Variants in PIGN observed in about 807,000 individuals in gnomAD.
PIGN encodes GPI ethanolamine phosphate transferase 1.
In PIGN, 117 loss-of-function variants were observed where a neutral mutation model predicts 125.4. That is an observed-to-expected ratio of 0.93 (90% confidence interval 0.80 to 1.09). The LOEUF is 1.09. PIGN is among the 50% of genes least tolerant of loss of function. The pLI, the probability that PIGN is intolerant of heterozygous loss-of-function variation, is 0.00. For synonymous variants in PIGN, 392 were observed against 377.8 expected, an observed-to-expected ratio of 1.04 and a Z score of -0.44; for missense variants, 1,075 against 1,094.9, an observed-to-expected ratio of 0.98 and a Z score of 0.26.
At chr18:62,169,979 C>G (rs577537094) in intron 1 of PIGN, among the ~76,000 whole-genome samples, 1 of 152,188 alleles carries the variant, frequency 6.6e-6, no homozygotes, top group Non-Finnish European at 1.5e-5. Flanking sequence ...TGTTGTACAA[C>G]TTTACATTCC....
At chr18:62,109,544 T>A (rs546411475) in intron 17 of PIGN, among the ~76,000 whole-genome samples, 1 of 152,294 alleles carries the variant, frequency 6.6e-6, no homozygotes, top group South Asian at 2.1e-4. Flanking sequence ...TGATCAATAT[T>A]AATCGTTACT....
chr18:62,034,946 T>C (rs1042919041), intron 23 of PIGN, among the ~76,000 whole-genome samples: 2 of 152,168 alleles, frequency 1.3e-5, no homozygotes, highest in East Asian at 1.9e-4. Context: ...TTTGGCTCTG[T>C]GTCCCCACCC....
At chr18:62,111,322 CAGA>C (rs1052732309) in intron 16 of PIGN, among the ~76,000 whole-genome samples, 1 of 151,976 alleles carries the variant, frequency 6.6e-6, no homozygotes, top group African/African-American at 2.4e-5. Flanking sequence ...ACTATTAACC[CAGA>C]AGAACAGTAC....
downstream of PIGN, among the ~76,000 whole-genome samples, chr18:62,037,498 C>T (rs2030276523): frequency 1.3e-5 from 2 of 152,236 alleles, no homozygotes; most frequent in Admixed American, 1.3e-4. Context: ...CCTAGTGAAG[C>T]TGGCCCTCCT....
At chr18:62,123,326 C>G (rs2035381858) in intron 14 of PIGN, among the ~76,000 whole-genome samples, 1 of 151,920 alleles carries the variant, frequency 6.6e-6, no homozygotes, top group Non-Finnish European at 1.5e-5. Flanking sequence ...CATAAGTGAT[C>G]AAATCTGCAC....
chr18:62,061,298 G>A (rs2032106829), intron 30 of PIGN, among the ~76,000 whole-genome samples: 2 of 151,856 alleles, frequency 1.3e-5, no homozygotes, highest in Admixed American at 1.3e-4. Flanking sequence ...GAAAATCCAT[G>A]GCAATCACCA....
At chr18:62,029,760 T>A (rs1435223334) in intron 23 of PIGN, among the ~76,000 whole-genome samples, 1 of 152,172 alleles carries the variant, frequency 6.6e-6, no homozygotes, top group Non-Finnish European at 1.5e-5. Context: ...TTCATTAAAC[T>A]TCATCTAATT....
rs768724419 is a variant in PIGN, at chr18:62,088,789, T to G, written c.2337A>C (p.Leu779=). 5.1e-6 allele frequency: 8 copies of G among 1,565,904 alleles called. No homozygotes were observed. The highest frequency in any genetic ancestry group is 1.9e-5 in the Admixed American group (1 of 53,422). The part of the protein sequence containing the change: ...YNTDITQFRQ[L]YLDDIRRAFF... ...AGGCCCTACGGATGTCATCCAGATATAGCTGTCGAAACTGAGTTATATCAG... is the reference window on the plus strand; with the variant it reads ...AGGCCCTACGGATGTCATCCAGATAGAGCTGTCGAAACTGAGTTATATCAG... Residue 779 remains leucine, a synonymous_variant, in exon 25 of 31, where the codon CTA becomes CTC. Transcript: ENST00000640252.
intron 23 of PIGN, among the ~76,000 whole-genome samples, chr18:62,026,997 G>A (rs1482737639): frequency 2.0e-5 from 3 of 152,178 alleles, no homozygotes; most frequent in East Asian, 1.9e-4. Context: ...GAGGTCAGGA[G>A]TTCGAGACCA....
intron 30 of PIGN, among the ~76,000 whole-genome samples, chr18:62,050,103 C>G (rs1318705292): frequency 2.0e-5 from 3 of 151,826 alleles, no homozygotes; most frequent in Admixed American, 6.6e-5. Context: ...GTTACTGTAG[C>G]CTTGTAGTAT....
chr18:62,147,206 T>C, intron 8 of PIGN, 105 bp from the exon 9 acceptor site: 2 of 1,320,540 alleles, frequency 1.5e-6, no homozygotes, highest in Admixed American at 3.0e-5. Context: ...GAAATGCTTT[T>C]AGATTTCATC....
chr18:62,049,067 A>G (rs1189250470), intron 30 of PIGN, among the ~76,000 whole-genome samples: 2 of 151,414 alleles, frequency 1.3e-5, no homozygotes, highest in African/African-American at 2.4e-5. Context: ...ATTCCATGGT[A>G]TATATGTGCC....
In PIGN at chr18:62,107,916, C is replaced by T. The variant is rs146583005; in HGVS notation, c.1575-831G>A. Among the ~76,000 whole-genome samples, 513 of 152,178 alleles carry T rather than the reference C, an allele frequency of 3.4e-3. 1 individual carries two copies. Among genetic ancestry groups the T allele is most frequent in the African/African-American group, 0.011 (453 of 41,524 alleles). ...TAAGATGTCACTAATTGTACACTAACGGTAATCAAGTGAACTCATAACCAT... is the reference window on the plus strand; with the variant it reads ...TAAGATGTCACTAATTGTACACTAATGGTAATCAAGTGAACTCATAACCAT... On this transcript the variant is annotated intron_variant, in intron 17 of 30. Coordinates refer to ENST00000640252, the MANE Select transcript of PIGN (RefSeq NM_176787.5).
chr18:62,165,988 G>T (rs1269809382), intron 1 of PIGN, among the ~76,000 whole-genome samples: 1 of 152,192 alleles, frequency 6.6e-6, no homozygotes, highest in African/African-American at 2.4e-5. Context: ...AATAAAAATT[G>T]ATGTAGGGTC....
At chr18:62,030,842 A>G (rs913011313) in intron 23 of PIGN, among the ~76,000 whole-genome samples, 5 of 152,188 alleles carry the variant, frequency 3.3e-5, no homozygotes, top group African/African-American at 1.2e-4. Context: ...TGCCGGGTAC[A>G]GTGTCATGCA....
chr18:62,152,024 TATAC>T (rs1450629624), intron 7 of PIGN, among the ~76,000 whole-genome samples: 1 of 152,316 alleles, frequency 6.6e-6, no homozygotes, highest in East Asian at 1.9e-4. Flanking sequence ...AGCCTGGTTT[TATAC>T]ATTTTGGGGA....
intron 17 of PIGN, among the ~76,000 whole-genome samples, chr18:62,108,268 A>G: frequency 6.6e-6 from 1 of 152,192 alleles, no homozygotes; most frequent in East Asian, 1.9e-4. Flanking sequence ...TATCAAAAAG[A>G]TAAAGATAGG....
chr18:62,147,072 T>C lies in PIGN; in HGVS notation c.704A>G (p.Asp235Gly), dbSNP rs2036361068. The change falls in exon 9 of 31, where the codon GAT becomes GGT. Residue 235 changes from aspartate to glycine, a missense_variant. Physicochemically the swap from Asp to Gly is moderately conservative, Grantham distance 94 (BLOSUM62 -1). This residue lies in a region of PIGN where 915 missense variants were observed against 908.7 expected (regional missense o/e 1.01). Coordinates refer to ENST00000640252, the MANE Select transcript of PIGN (RefSeq NM_176787.5). ...AGACACGATTTCTTTAACTCCATCATCAACTTTTTTAATATTGTGCTTGTA... is the reference window on the plus strand; with the variant it reads ...AGACACGATTTCTTTAACTCCATCACCAACTTTTTTAATATTGTGCTTGTA... The part of the protein sequence containing the change: ...RDYKHNIKKV[D>G]DGVKEIVSMF... 6.2e-7 allele frequency: 1 copy of C among 1,605,776 alleles called. No homozygotes were observed. The highest frequency in any genetic ancestry group is 8.5e-7 in the Non-Finnish European group (1 of 1,173,554).
At chr18:62,125,267 A>AAC (rs79322640) in intron 14 of PIGN, among the ~76,000 whole-genome samples, 33 of 146,090 alleles carry the variant, frequency 2.3e-4, no homozygotes, top group Non-Finnish European at 2.5e-4. Flanking sequence ...TATGTGTATA[A>AAC]ACACACACAC....
Sources: allele counts gnomAD v4.1 joint callset (sites outside exome capture counted in the v4.1 genomes callset), GRCh38; gene constraint gnomAD v4.1.1; regional missense constraint gnomAD v4.1.1; transcripts MANE v1.5; gene names NCBI Gene and HGNC (gene_info 2026-07-23, HGNC 2026-07-21).